The following HPS5 variants were observed in gnomAD, a reference collection of about 807,000 sequenced individuals.
The protein encoded by HPS5 is HPS5 biogenesis of lysosomal organelles complex 2 subunit 2.
A neutral mutation model predicts 128.0 loss-of-function variants in HPS5; 83 were observed. The observed-to-expected ratio is 0.65, with a 90% CI of 0.54 to 0.78. The LOEUF (loss-of-function observed/expected upper bound fraction) is 0.78. Among genes scored for constraint, HPS5 ranks in the 30% least tolerant of loss-of-function variants. HPS5 has a pLI of 0.00. For synonymous variants in HPS5, 475 were observed against 470.2 expected, an observed-to-expected ratio of 1.01 and a Z score of -0.13; for missense variants, 1,281 against 1,326.2, an observed-to-expected ratio of 0.97 and a Z score of 0.53.
chr11:18,305,285 T>G (rs529999384), intron 8 of HPS5, 137 bp downstream of exon 8: 8 of 657,070 alleles, frequency 1.2e-5, no homozygotes, highest in South Asian at 1.2e-4. Context: ...ACACTTCATG[T>G]AACATAATTA....
In HPS5 at chr11:18,282,098, T is replaced by G. The variant is rs980000100; in HGVS notation, c.3181A>C (p.Asn1061His). 2 of 1,614,166 alleles carry G rather than the reference T, an allele frequency of 1.2e-6. No individual in the cohort carries two copies. Among genetic ancestry groups the G allele is most frequent in the Non-Finnish European group, 1.7e-6 (2 of 1,180,016 alleles). ...GSLSDGPSPI[N>H]VENVALLLAK... ...AACAGAAGTGCCACATTCTCCACAT[T>G]GATGGGGGAAGGCCCATCACTGAGG... Residue 1061 changes from asparagine to histidine, a missense_variant, in exon 22 of 23, where the codon AAT (asparagine) becomes CAT (histidine). Coordinates refer to ENST00000349215, the MANE Select transcript of HPS5 (RefSeq NM_181507.2).
rs775592566 is a variant in HPS5, at chr11:18,306,236, T to C, written c.723A>G (p.Pro241=). Residue 241 remains proline (P), a synonymous_variant, in exon 7 of 23, where the codon CCA becomes CCG. Coordinates refer to ENST00000349215, the MANE Select transcript of HPS5 (RefSeq NM_181507.2). The stretch of plus-strand genomic sequence containing the variant: ...AGTTCACTTCCCACATCCTAGAGCC[T>C]GGGCGAGCACAATATATCAGAGGTT... ...GQQPLIYCAR[P]GSRMWEVNFD... is the part of the protein sequence containing the mutation. 3 of 1,614,084 alleles carry C rather than the reference T, an allele frequency of 1.9e-6. No homozygotes were observed. In the Admixed American group the frequency reaches 5.0e-5, roughly 27 times the overall value.
chr11:18,299,976 G>A (rs1194431313), intron 9 of HPS5, among the ~76,000 whole-genome samples: 1 of 152,166 alleles, frequency 6.6e-6, no homozygotes, highest in Non-Finnish European at 1.5e-5. Context: ...TCTGGGAAGG[G>A]TAAGAGGAAG....
chr11:18,306,510 T>C (rs1169591178), intron 6 of HPS5, among the ~76,000 whole-genome samples, 163 bp from the exon 7 acceptor site: 1 of 152,172 alleles, frequency 6.6e-6, no homozygotes, highest in East Asian at 1.9e-4. Context: ...AAGATCAAAA[T>C]AGGATTCTGG....
intron 5 of HPS5, among the ~76,000 whole-genome samples, chr11:18,310,217 A>G (rs1862813960): frequency 6.6e-6 from 1 of 152,184 alleles, no homozygotes; most frequent in South Asian, 2.1e-4. Context: ...CTACTTAGCC[A>G]TAACTGCAGC....
chr11:18,315,490 G>A (rs577893410), intron 2 of HPS5, among the ~76,000 whole-genome samples: 109 of 152,226 alleles, frequency 7.2e-4, no homozygotes, highest in African/African-American at 2.6e-3. Context: ...GCAGGTGCCT[G>A]TAATCCCAGC....
chr11:18,303,939 A>G (rs1862047428), intron 8 of HPS5, among the ~76,000 whole-genome samples: 1 of 152,090 alleles, frequency 6.6e-6, no homozygotes, highest in Non-Finnish European at 1.5e-5. Flanking sequence ...TTAAGTATCT[A>G]TCATGTGCCA....
rs10665418 is a variant in HPS5 at position 18,293,032 on chromosome 11, C to CTTT, written c.1785-59_1785-57dup. 5.9e-4 allele frequency: 768 copies of CTTT among 1,291,884 alleles called. 2 individuals are homozygous for CTTT. Among genetic ancestry groups the CTTT allele is most frequent in the Non-Finnish European group, 7.8e-4 (690 of 889,402 alleles). 80.0% of individuals were successfully genotyped at this position (1,291,884 alleles called of 1,614,324 possible). Reference sequence around the variant, plus strand: ...TCACAAGAGTTAGAGGGGATCAGAGCTTTTTTTGAGACAGGGTCTCACTCT... The same window carrying CTTT: ...TCACAAGAGTTAGAGGGGATCAGAGCTTTTTTTTTTGAGACAGGGTCTCACTCT... On this transcript the variant is annotated intron_variant, in intron 14 of 22. Transcript: ENST00000349215.
chr11:18,298,815 G>A lies in HPS5; in HGVS notation c.1141C>T (p.Gln381Ter). 1 of 1,614,116 alleles carries A rather than the reference G, an allele frequency of 6.2e-7. No individual in the cohort carries two copies. The highest frequency in any genetic ancestry group is 8.5e-7 in the Non-Finnish European group (1 of 1,180,014). The change falls in exon 10 of 23, where the codon CAA becomes TAA. Residue 381 changes from glutamine (Q) to a stop codon, truncating the protein, a stop_gained. Coordinates refer to ENST00000349215, the MANE Select transcript of HPS5 (RefSeq NM_181507.2). LOFTEE classifies it high-confidence loss of function. ...NLAARTCCLFQNSVIASRARK... is the reference protein window; with the variant it reads ...NLAARTCCLF ...ACTCTGCTGGCAATGACAGAATTTTGGAAAAGACAGCATGTACGAGCAGCC... is the reference window on the plus strand; with the variant it reads ...ACTCTGCTGGCAATGACAGAATTTTAGAAAAGACAGCATGTACGAGCAGCC...
intron 1 of HPS5, 23 bp from the exon 2 acceptor site, chr11:18,317,930 T>C (rs1863841552): frequency 6.6e-7 from 1 of 1,519,130 alleles, no homozygotes; most frequent in Non-Finnish European, 9.0e-7. Flanking sequence ...CACAAAAATA[T>C]AATTTAAGAA....
In HPS5 at chr11:18,283,914, C is replaced by T. The variant is rs550866760; in HGVS notation, c.2952-13G>A. 9 of 1,584,886 alleles carry T rather than the reference C, an allele frequency of 5.7e-6. No individual in the cohort carries two copies. The highest frequency in any genetic ancestry group is 4.5e-5 in the East Asian group (2 of 44,738). On this transcript the variant is annotated splice_polypyrimidine_tract_variant and intron_variant, in intron 20 of 22. Transcript: ENST00000349215. ...TCCAGGCCAGAAACTTTAAAGAGAC[C>T]GAAGTTGAAGAAAGGAATAAAAGGC...
At chr11:18,318,370 T>C (rs1863893936) in intron 1 of HPS5, among the ~76,000 whole-genome samples, 1 of 152,162 alleles carries the variant, frequency 6.6e-6, no homozygotes, top group South Asian at 2.1e-4. Context: ...TTAACAGTGG[T>C]TTATAGGAAT....
intron 16 of HPS5, among the ~76,000 whole-genome samples, chr11:18,289,308 C>T (rs543587185): frequency 3.3e-5 from 5 of 152,130 alleles, no homozygotes; most frequent in Non-Finnish European, 4.4e-5. Flanking sequence ...GATGACTGCG[C>T]GGGAGCTAAA....
intron 8 of HPS5, among the ~76,000 whole-genome samples, chr11:18,304,670 C>T (rs548355285): frequency 1.3e-5 from 2 of 152,304 alleles, no homozygotes; most frequent in South Asian, 4.1e-4. Flanking sequence ...ATCAGGTGTT[C>T]ACACTCCAGT....
chr11:18,318,309 C>T (rs1377375940), intron 1 of HPS5, among the ~76,000 whole-genome samples: 1 of 152,192 alleles, frequency 6.6e-6, no homozygotes, highest in Non-Finnish European at 1.5e-5. Context: ...TCTGTAAAGG[C>T]CTCAACTTAT....
chr11:18,294,424 T>C (rs557732056), intron 14 of HPS5, among the ~76,000 whole-genome samples: 1 of 152,210 alleles, frequency 6.6e-6, no homozygotes, highest in East Asian at 1.9e-4. Flanking sequence ...AGAGCATCAG[T>C]GACATTCCCA....
intron 6 of HPS5, 94 bp from the exon 7 acceptor site, chr11:18,306,441 T>C: frequency 1.3e-6 from 1 of 747,188 alleles, no homozygotes; most frequent in Admixed American, 2.1e-5. Flanking sequence ...ATAACTCCAC[T>C]CACAATGCCT....
At chr11:18,304,045 A>G (rs1404414574) in intron 8 of HPS5, among the ~76,000 whole-genome samples, 1 of 152,184 alleles carries the variant, frequency 6.6e-6, no homozygotes, top group African/African-American at 2.4e-5. Context: ...TATAAATATT[A>G]TATTAATATG....
chr11:18,290,671 C>A (rs1259163339), intron 16 of HPS5, among the ~76,000 whole-genome samples: 2 of 152,134 alleles, frequency 1.3e-5, no homozygotes, highest in Non-Finnish European at 2.9e-5. Context: ...CCTATAATCC[C>A]AGCATTTTGG....
Sources: allele counts gnomAD v4.1 joint callset (sites outside exome capture counted in the v4.1 genomes callset), GRCh38; gene constraint gnomAD v4.1.1; transcripts MANE v1.5; gene names NCBI Gene and HGNC (gene_info 2026-07-23, HGNC 2026-07-21).